Variants in DOP1B observed in about 807,000 individuals in gnomAD.
The protein encoded by DOP1B is DOP1 leucine zipper like protein B, also known as protein DOP1B.
DOP1B carries 174 observed loss-of-function variants against 233.5 expected under a neutral mutation model. The observed-to-expected ratio is 0.75, with a 90% confidence interval of 0.66 to 0.85. The LOEUF (loss-of-function observed/expected upper bound fraction) is 0.85. Ranked by LOEUF, DOP1B falls within the 40% of genes least tolerant of loss-of-function variation. DOP1B has a pLI of 0.00. For missense variants in DOP1B, 2,652 were observed against 2,846.6 expected (o/e 0.93, Z 1.56); for synonymous variants, 1,190 against 1,185.6 (o/e 1.00, Z -0.08).
intron 16 of DOP1B, among the ~76,000 whole-genome samples, chr21:36,237,942 C>T (rs1334286653): frequency 2.0e-5 from 3 of 152,080 alleles, no homozygotes; most frequent in African/African-American, 7.2e-5. Flanking sequence ...CCAAAGCAGG[C>T]GGATCACCTG....
At chr21:36,238,539 G>T in intron 16 of DOP1B, 62 bp from the exon 17 acceptor site, 2 of 1,390,502 alleles carry the variant, frequency 1.4e-6, no homozygotes, top group South Asian at 2.3e-5. Flanking sequence ...GGTTTATGGT[G>T]ACTGAAGACA....
chr21:36,158,675 C>T (rs2065842090), intron 1 of DOP1B, among the ~76,000 whole-genome samples: 1 of 151,608 alleles, frequency 6.6e-6, no homozygotes, highest in Admixed American at 6.6e-5. Flanking sequence ...TGGTGGCATG[C>T]GCCTGTAGTC....
intron 27 of DOP1B, among the ~76,000 whole-genome samples, chr21:36,270,834 A>C (rs1040894995): frequency 1.3e-5 from 2 of 150,376 alleles, no homozygotes; most frequent in Non-Finnish European, 2.9e-5. Context: ...AATTGCTTGA[A>C]CCTGGGAGGA....
At chr21:36,173,208 CT>C (rs911495794) in intron 2 of DOP1B, among the ~76,000 whole-genome samples, 14 of 151,846 alleles carry the variant, frequency 9.2e-5, no homozygotes, top group African/African-American at 3.1e-4. Flanking sequence ...GGTCAACATT[CT>C]TTTTTTTAAG....
chr21:36,270,129 A>G lies in DOP1B; in HGVS notation c.5604A>G (p.Glu1868=), dbSNP rs370666169. 6.2e-7 allele frequency: 1 copy of G among 1,614,140 alleles called. No individual in the cohort carries two copies. The highest frequency in any genetic ancestry group is 8.5e-7 in the Non-Finnish European group (1 of 1,180,022). The change falls in exon 27 of 37, where the codon GAA becomes GAG. Residue 1868 remains glutamate, a synonymous_variant. Transcript: ENST00000691173. ...AGGCCCAACCTCAGGCCTCTCTAGA[A>G]GAATCTGATGCTGAGGAGGACCTGT... ...EVKAQPQASL[E]ESDAEEDLYD...
In DOP1B at chr21:36,180,975, A is replaced by G. The variant is rs181387141; in HGVS notation, c.138+16104A>G. Among the ~76,000 whole-genome samples the G allele has an allele frequency of 3.7e-4, 56 of 152,218 alleles. 2 individuals carry two copies. The highest frequency in any genetic ancestry group is 3.0e-3 in the Admixed American group (46 of 15,280). On this transcript the variant is annotated intron_variant, in intron 2 of 36. Transcript: ENST00000691173. ...CTCAAGTATATTAAGTATTTTATACATGTGTTTTTGCTATTGTGAATGGGA... is the reference window on the plus strand; with the variant it reads ...CTCAAGTATATTAAGTATTTTATACGTGTGTTTTTGCTATTGTGAATGGGA...
In DOP1B at chr21:36,197,239, A is replaced by AT. The variant is rs148513875; in HGVS notation, c.139-1823dup. On this transcript the variant is annotated intron_variant, in intron 2 of 36. Coordinates refer to ENST00000691173, the MANE Select transcript of DOP1B (RefSeq NM_001320714.2). ...GAGCCACTGCACCTGGCCATATCTG[A>AT]TTTTTTTTAAAGATGTCATTTTATT... 9.1e-3 allele frequency among the ~76,000 whole-genome samples: 1,387 copies of AT among 151,902 alleles called. 14 individuals are homozygous for AT. The highest frequency in any genetic ancestry group is 0.014 in the Non-Finnish European group (976 of 67,950).
At chr21:36,283,432 C>T (rs993944143) in intron 32 of DOP1B, among the ~76,000 whole-genome samples, 10 of 152,112 alleles carry the variant, frequency 6.6e-5, no homozygotes, top group Non-Finnish European at 4.4e-5. Context: ...ACTCGTTAGT[C>T]ATGATAACTT....
At chr21:36,212,932 C>T (rs1415117186) in intron 7 of DOP1B, among the ~76,000 whole-genome samples, 5 of 152,174 alleles carry the variant, frequency 3.3e-5, no homozygotes, top group South Asian at 2.1e-4. Context: ...CAGGCACCCA[C>T]CACCCCGGCT....
chr21:36,271,635 AC>A (rs1159005557), intron 27 of DOP1B, among the ~76,000 whole-genome samples: 1 of 151,924 alleles, frequency 6.6e-6, no homozygotes, highest in Non-Finnish European at 1.5e-5. Context: ...TTTACAACAT[AC>A]TATGTGTGTG....
At chr21:36,159,119 C>T (rs1295224422) in intron 1 of DOP1B, among the ~76,000 whole-genome samples, 3 of 151,500 alleles carry the variant, frequency 2.0e-5, no homozygotes, top group Non-Finnish European at 2.9e-5. Context: ...GTGACAAGAG[C>T]GAGACTCTGT....
At chr21:36,287,632 G>C (rs1490443362) in intron 32 of DOP1B, among the ~76,000 whole-genome samples, 1 of 127,408 alleles carries the variant, frequency 7.8e-6, no homozygotes, top group African/African-American at 3.0e-5. Context: ...TGTCACCCAG[G>C]CTGGAGTGCA....
At chr21:36,248,359 T>G (rs1417123364) in intron 20 of DOP1B, 21 bp from the exon 21 acceptor site, 1 of 1,611,244 alleles carries the variant, frequency 6.2e-7, no homozygotes, top group African/African-American at 1.3e-5. Context: ...GCCTGCCTCA[T>G]GTATTCATTT....
intron 4 of DOP1B, among the ~76,000 whole-genome samples, chr21:36,203,677 T>C (rs1243137916): frequency 6.6e-6 from 1 of 151,170 alleles, no homozygotes; most frequent in Non-Finnish European, 1.5e-5. Flanking sequence ...TGGGTAGAAA[T>C]TGCAAAGTGG....
intron 1 of DOP1B, among the ~76,000 whole-genome samples, chr21:36,158,678 C>CT (rs1568990274): frequency 6.6e-6 from 1 of 151,794 alleles, no homozygotes; most frequent in East Asian, 1.9e-4. Context: ...TGGCATGCGC[C>CT]TGTAGTCCCA....
intron 27 of DOP1B, among the ~76,000 whole-genome samples, chr21:36,272,807 A>G (rs2067303884): frequency 6.6e-6 from 1 of 151,520 alleles, no homozygotes; most frequent in Non-Finnish European, 1.5e-5. Context: ...CGACATGGAG[A>G]AACCCCATCT....
At chr21:36,238,936 C>G (rs1289831886) in intron 17 of DOP1B, among the ~76,000 whole-genome samples, 1 of 152,178 alleles carries the variant, frequency 6.6e-6, no homozygotes, top group Non-Finnish European at 1.5e-5. Flanking sequence ...AACCCCATCT[C>G]TACCAAAAAT....
intron 13 of DOP1B, among the ~76,000 whole-genome samples, chr21:36,228,233 C>T (rs1217168835): frequency 3.9e-5 from 6 of 151,952 alleles, no homozygotes; most frequent in Non-Finnish European, 8.8e-5. Flanking sequence ...CAAGCTGAGG[C>T]GGGTGGATCT....
At chr21:36,227,138 G>A (rs1178871047) in intron 12 of DOP1B, among the ~76,000 whole-genome samples, 1 of 150,706 alleles carries the variant, frequency 6.6e-6, no homozygotes, top group South Asian at 2.1e-4. Flanking sequence ...AACCTGGGAG[G>A]CAGAGCTTGC....
Sources: gnomAD v4.1 joint callset for allele counts (sites outside exome capture counted in the v4.1 genomes callset) on GRCh38, gnomAD v4.1.1 for gene constraint, MANE v1.5 for transcripts, NCBI Gene and HGNC (gene_info 2026-07-23, HGNC 2026-07-21) for gene names.